Variants in SCMH1 observed in about 807,000 individuals in gnomAD.
The protein encoded by SCMH1 is Scm polycomb group protein homolog 1, also known as polycomb protein SCMH1.
SCMH1 carries 37 observed loss-of-function variants against 70.8 expected under a neutral mutation model. The ratio of observed to expected loss-of-function variants is 0.52; its 90% confidence interval spans 0.40 to 0.69. SCMH1 has a LOEUF of 0.69. SCMH1 is among the 30% of genes least tolerant of loss of function. The pLI is 0.00. For missense variants in SCMH1, 607 were observed against 827.3 expected, an observed-to-expected ratio of 0.73 and a Z score of 3.27; for synonymous variants, 292 against 307.4, an observed-to-expected ratio of 0.95 and a Z score of 0.52.
At chr1:41,228,994 G>A (rs1056632177) in intron 1 of SCMH1, among the ~76,000 whole-genome samples, 6 of 152,044 alleles carry the variant, frequency 3.9e-5, no homozygotes, top group African/African-American at 7.2e-5. Flanking sequence ...TCAGGAGTTC[G>A]AAACCAGCCT....
intron 8 of SCMH1, among the ~76,000 whole-genome samples, chr1:41,093,378 G>A (rs1208570361): frequency 1.6e-5 from 2 of 124,588 alleles, no homozygotes; most frequent in Non-Finnish European, 3.3e-5. Flanking sequence ...TCATGGGGTG[G>A]GGGGAGGGGG....
At chr1:41,189,081 G>A (rs577206861) in intron 1 of SCMH1, among the ~76,000 whole-genome samples, 15 of 152,288 alleles carry the variant, frequency 9.8e-5, no homozygotes, top group African/African-American at 3.6e-4. Flanking sequence ...AGGGAGGCAG[G>A]AGACAGAGGA....
At chr1:41,086,231 G>T (rs962634912) in intron 8 of SCMH1, among the ~76,000 whole-genome samples, 7 of 152,160 alleles carry the variant, frequency 4.6e-5, no homozygotes, top group African/African-American at 1.7e-4. Context: ...AATCAGTGAT[G>T]AAGCTAGCTC....
chr1:41,064,358 ACTC>A (rs1469834705), intron 10 of SCMH1, among the ~76,000 whole-genome samples: 2 of 152,144 alleles, frequency 1.3e-5, no homozygotes, highest in Admixed American at 1.3e-4. Flanking sequence ...CTCTCTTACC[ACTC>A]CTCTTCAACA....
intron 12 of SCMH1, among the ~76,000 whole-genome samples, chr1:41,044,335 G>C (rs1355518320): frequency 6.6e-6 from 1 of 152,166 alleles, no homozygotes; most frequent in Admixed American, 6.5e-5. Flanking sequence ...GCAAAAGACA[G>C]CTCTTGTACA....
rs376527402 is a variant in SCMH1, at chr1:41,075,169, A to G, written c.978+50T>C. On this transcript the variant is annotated intron_variant, in intron 9 of 14. Transcript: ENST00000337495. ...GTGAGCCACGGCGCCTGGCCGAATG[A>G]CCCCTTTATAAACCCTTATTCCTTT... 6.3e-6 allele frequency: 10 copies of G among 1,575,162 alleles called. No individual in the cohort carries two copies. The East Asian group carries it at 1.3e-4, about 21-fold the overall frequency.
intron 2 of SCMH1, among the ~76,000 whole-genome samples, chr1:41,178,559 A>T (rs1355107916): frequency 1.3e-5 from 2 of 152,208 alleles, no homozygotes; most frequent in Admixed American, 6.5e-5. Context: ...GCAAATGAAA[A>T]ACAAAAAAAG....
intron 5 of SCMH1, among the ~76,000 whole-genome samples, chr1:41,146,873 A>C (rs1301605843): frequency 6.6e-6 from 1 of 152,054 alleles, no homozygotes; most frequent in African/African-American, 2.4e-5. Context: ...GAAGTTCTTA[A>C]TTTTGACAAA....
chr1:41,122,365 G>A (rs561141271), intron 6 of SCMH1, among the ~76,000 whole-genome samples: 7 of 152,100 alleles, frequency 4.6e-5, no homozygotes, highest in Non-Finnish European at 1.0e-4. Context: ...CACTTCCTCA[G>A]AAAGGTGTTC....
At chr1:41,104,208 T>A (rs776328392) in intron 8 of SCMH1, among the ~76,000 whole-genome samples, 1 of 152,170 alleles carries the variant, frequency 6.6e-6, no homozygotes, top group Non-Finnish European at 1.5e-5. Context: ...CAGACACTTG[T>A]CTATAACCTC....
chr1:41,122,314 C>T (rs1435068632), intron 6 of SCMH1, among the ~76,000 whole-genome samples: 1 of 152,098 alleles, frequency 6.6e-6, no homozygotes, highest in East Asian at 1.9e-4. Flanking sequence ...CCTCAAACAC[C>T]TTTTAATCAA....
rs573574247 is a variant in SCMH1 at position 41,082,116 on chromosome 1, G to A, written c.746-6665C>T. Among the ~76,000 whole-genome samples, 12 of 152,070 alleles carry A rather than the reference G, an allele frequency of 7.9e-5. No homozygotes were observed. In the South Asian group the frequency reaches 2.5e-3, roughly 32 times the overall value. On this transcript the variant is annotated intron_variant, in intron 8 of 14. Transcript: ENST00000337495. ...AATGAGAATACCTTCAAAACTATGG[G>A]GGCGGCCAAAGATTTATTAAAACAG...
At chr1:41,044,251 C>T (rs1331113033) in intron 12 of SCMH1, among the ~76,000 whole-genome samples, 1 of 151,952 alleles carries the variant, frequency 6.6e-6, no homozygotes, top group Non-Finnish European at 1.5e-5. Flanking sequence ...AGAGGTGGTA[C>T]CTATGTATGT....
At chr1:41,028,784 C>T (rs1644096669) in intron 13 of SCMH1, 58 bp from the exon 15 acceptor site, 3 of 1,587,836 alleles carry the variant, frequency 1.9e-6, no homozygotes, top group African/African-American at 1.3e-5. Context: ...AAATCCCCAC[C>T]ACTCTCCTTG....
rs1295402331 is a variant in SCMH1, at chr1:41,056,467, T to C, written c.1106-7577A>G. Among the ~76,000 whole-genome samples, 3 of 152,082 alleles carry C rather than the reference T, an allele frequency of 2.0e-5. No individual in the cohort carries two copies. In the East Asian group the frequency reaches 5.8e-4, roughly 29 times the overall value. The stretch of plus-strand genomic sequence containing the variant: ...TGTGTATACTGTCATTTTTTTTTTT[T>C]ACTAGATCCATTAAATTAGAATTGG... On this transcript the variant is annotated intron_variant, in intron 10 of 14. Coordinates refer to ENST00000337495, the Ensembl canonical transcript of SCMH1.
intron 1 of SCMH1, among the ~76,000 whole-genome samples, chr1:41,219,906 G>C (rs1247346123): frequency 1.3e-5 from 2 of 151,280 alleles, no homozygotes; most frequent in Admixed American, 1.3e-4. Flanking sequence ...ATTCCAGCCT[G>C]GGCAACAGAG....
chr1:41,064,942 A>G (rs1413577022), intron 10 of SCMH1, among the ~76,000 whole-genome samples: 1 of 152,002 alleles, frequency 6.6e-6, no homozygotes, highest in Admixed American at 6.6e-5. Context: ...AAACCCTCAC[A>G]ATACCATTTA....
intron 1 of SCMH1, among the ~76,000 whole-genome samples, chr1:41,197,002 A>G (rs573020596): frequency 9.9e-5 from 15 of 152,202 alleles, no homozygotes; most frequent in Admixed American, 2.0e-4. Context: ...ATGATATACT[A>G]CTTCACACTT....
intron 13 of SCMH1, among the ~76,000 whole-genome samples, chr1:41,035,888 C>T (rs1418110243): frequency 1.3e-5 from 2 of 152,228 alleles, no homozygotes; most frequent in Non-Finnish European, 2.9e-5. Flanking sequence ...CAATTACCCA[C>T]TAATGGTGGA....
Sources: allele counts gnomAD v4.1 joint callset (sites outside exome capture counted in the v4.1 genomes callset), GRCh38; gene constraint gnomAD v4.1.1; transcripts MANE v1.5; gene names NCBI Gene and HGNC (gene_info 2026-07-23, HGNC 2026-07-21).